The following MDGA2 variants were observed in gnomAD, a reference collection of about 807,000 sequenced individuals.
The protein encoded by MDGA2 is MAM domain-containing glycosylphosphatidylinositol anchor protein 2.
In MDGA2, 40 loss-of-function variants were observed where a neutral mutation model predicts 117.8. That is an observed-to-expected ratio of 0.34 (90% CI 0.26 to 0.44). MDGA2 has a LOEUF of 0.44. Ranked by LOEUF, MDGA2 falls within the 20% of genes least tolerant of loss-of-function variation. The pLI, the probability that MDGA2 is intolerant of heterozygous loss-of-function variation, is 1.00. For missense variants in MDGA2, 1,123 were observed against 1,250.6 expected (o/e 0.90, Z 1.54); for synonymous variants, 452 against 439.0 (o/e 1.03, Z -0.37).
At chr14:47,648,935 T>A (rs534225054) in intron 1 of MDGA2, among the ~76,000 whole-genome samples, 72 of 152,264 alleles carry the variant, frequency 4.7e-4, no homozygotes, top group Non-Finnish European at 6.8e-4. Context: ...TAAAATTATA[T>A]TAACATCAAT....
intron 1 of MDGA2, among the ~76,000 whole-genome samples, chr14:47,538,682 G>A (rs1895274271): frequency 6.6e-6 from 1 of 152,132 alleles, no homozygotes; most frequent in Non-Finnish European, 1.5e-5. Flanking sequence ...ATGTGATTGT[G>A]TGTGTATATG....
chr14:47,260,792 T>C (rs1304539556), intron 2 of MDGA2, among the ~76,000 whole-genome samples: 1 of 152,032 alleles, frequency 6.6e-6, no homozygotes, highest in African/African-American at 2.4e-5. Flanking sequence ...CAATCAAACC[T>C]ACATTTTCAG....
intron 14 of MDGA2, among the ~76,000 whole-genome samples, chr14:46,867,202 C>T (rs1422827416): frequency 1.3e-5 from 2 of 152,170 alleles, no homozygotes; most frequent in Non-Finnish European, 2.9e-5. Flanking sequence ...CCATGGAATA[C>T]TATGCAGCCA....
chr14:47,640,059 C>G (rs1301084901), intron 1 of MDGA2, among the ~76,000 whole-genome samples: 6 of 152,154 alleles, frequency 3.9e-5, no homozygotes, highest in African/African-American at 1.4e-4. Context: ...GTTTCCAGAA[C>G]TATAGCAAGC....
At chr14:47,394,227 A>T (rs898584190) in intron 1 of MDGA2, among the ~76,000 whole-genome samples, 2 of 152,160 alleles carry the variant, frequency 1.3e-5, no homozygotes, top group Non-Finnish European at 2.9e-5. Context: ...CTATCCACAA[A>T]AGAATAATAT....
At chr14:47,204,576 C>G (rs1448443484) in intron 3 of MDGA2, among the ~76,000 whole-genome samples, 1 of 151,938 alleles carries the variant, frequency 6.6e-6, no homozygotes, top group Non-Finnish European at 1.5e-5. Context: ...TCTCATTCCT[C>G]TAATTCCCAT....
intron 1 of MDGA2, among the ~76,000 whole-genome samples, chr14:47,569,266 G>A (rs1045246874): frequency 2.6e-5 from 4 of 151,974 alleles, no homozygotes; most frequent in Non-Finnish European, 5.9e-5. Flanking sequence ...TAGTGTCCAG[G>A]GCCAAAATCT....
At chr14:47,135,901 C>CTGGAG (rs1882429130) in intron 4 of MDGA2, among the ~76,000 whole-genome samples, 1 of 152,022 alleles carries the variant, frequency 6.6e-6, no homozygotes, top group African/African-American at 2.4e-5. Context: ...TATATTGTGA[C>CTGGAG]TGGAGTGCAG....
intron 1 of MDGA2, among the ~76,000 whole-genome samples, chr14:47,428,978 C>T (rs1192854931): frequency 1.3e-5 from 2 of 151,776 alleles, no homozygotes; most frequent in African/African-American, 4.8e-5. Context: ...TATAAAAAAA[C>T]TAAGGGGAGG....
intron 1 of MDGA2, among the ~76,000 whole-genome samples, chr14:47,554,311 A>G (rs74045168): frequency 0.036 from 5,546 of 152,268 alleles, 348 homozygotes; most frequent in African/African-American, 0.13. Context: ...AATAACTTTG[A>G]AGATATTTTT....
At chr14:47,654,488 C>G (rs1460391201) in intron 1 of MDGA2, among the ~76,000 whole-genome samples, 1 of 152,066 alleles carries the variant, frequency 6.6e-6, no homozygotes, top group Non-Finnish European at 1.5e-5. Flanking sequence ...AAGTGCTAAC[C>G]CTTCAAAAGG....
intron 1 of MDGA2, among the ~76,000 whole-genome samples, chr14:47,489,579 T>C (rs192419136): frequency 1.4e-4 from 21 of 152,144 alleles, no homozygotes; most frequent in Admixed American, 7.9e-4. Flanking sequence ...GCACTGATAA[T>C]CCAAACAGTA....
chr14:47,412,269 A>C (rs1048187981), intron 1 of MDGA2, among the ~76,000 whole-genome samples: 1 of 152,128 alleles, frequency 6.6e-6, no homozygotes, highest in African/African-American at 2.4e-5. Context: ...AAACAGAAAT[A>C]AAAAAATTAT....
intron 10 of MDGA2, among the ~76,000 whole-genome samples, chr14:46,909,156 A>T (rs1225591288): frequency 6.6e-6 from 1 of 152,208 alleles, no homozygotes; most frequent in Non-Finnish European, 1.5e-5. Flanking sequence ...CACATAATAG[A>T]ACATAATACA....
At chr14:47,530,760 G>T (rs1323553281) in intron 1 of MDGA2, among the ~76,000 whole-genome samples, 1 of 152,118 alleles carries the variant, frequency 6.6e-6, no homozygotes, top group Non-Finnish European at 1.5e-5. Flanking sequence ...CTGCTGGCTA[G>T]ATCCCACAAT....
chr14:47,354,771 T>G (rs1346673596), intron 1 of MDGA2, among the ~76,000 whole-genome samples: 1 of 152,152 alleles, frequency 6.6e-6, no homozygotes, highest in Admixed American at 6.5e-5. Flanking sequence ...GTTGGTGCCC[T>G]GGGGGATTGA....
chr14:46,866,061 C>G (rs1264219463), intron 14 of MDGA2, among the ~76,000 whole-genome samples: 2 of 151,386 alleles, frequency 1.3e-5, no homozygotes, highest in Non-Finnish European at 3.0e-5. Flanking sequence ...CATATGGAAC[C>G]AAAAAAGAGC....
chr14:47,425,327 A>G (rs908066032), intron 1 of MDGA2, among the ~76,000 whole-genome samples: 5 of 152,198 alleles, frequency 3.3e-5, no homozygotes, highest in Admixed American at 3.3e-4. Flanking sequence ...AGACAATAAA[A>G]TGAAATCAGA....
At chr14:46,961,689 C>A (rs1374468367) in intron 8 of MDGA2, among the ~76,000 whole-genome samples, 2 of 151,012 alleles carry the variant, frequency 1.3e-5, no homozygotes, top group East Asian at 3.9e-4. Context: ...GTCACCCAGG[C>A]TGGAGTGCAG....
Sources: gnomAD v4.1 joint callset for allele counts (sites outside exome capture counted in the v4.1 genomes callset) on GRCh38, gnomAD v4.1.1 for gene constraint, MANE v1.5 for transcripts, NCBI Gene and HGNC (gene_info 2026-07-23, HGNC 2026-07-21) for gene names.